Variants in APBB2 observed in about 807,000 individuals in gnomAD.
The protein encoded by APBB2 is amyloid beta precursor protein binding family B member 2, also known as Fe65-like 1.
A neutral mutation model predicts 82.5 loss-of-function variants in APBB2; 38 were observed. That is an observed-to-expected ratio of 0.46 (90% CI 0.36 to 0.60). The LOEUF is 0.60. Ranked by LOEUF, APBB2 falls within the 20% of genes least tolerant of loss-of-function variation. The probability of loss-of-function intolerance (pLI) is 0.00; values close to 1 mark genes in which losing one functional copy is unlikely to be tolerated. For synonymous variants in APBB2, 341 were observed against 368.2 expected, an observed-to-expected ratio of 0.93 and a Z score of 0.85; for missense variants, 772 against 972.3, an observed-to-expected ratio of 0.79 and a Z score of 2.74.
chr4:41,155,628 G>A (rs1580463140), intron 1 of APBB2, among the ~76,000 whole-genome samples: 3 of 152,222 alleles, frequency 2.0e-5, no homozygotes, highest in African/African-American at 4.8e-5. Context: ...TCAGACAGAC[G>A]AGACAGTCAG....
At chr4:40,836,629 G>A (rs952848742) in intron 12 of APBB2, among the ~76,000 whole-genome samples, 1 of 152,318 alleles carries the variant, frequency 6.6e-6, no homozygotes, top group Non-Finnish European at 1.5e-5. Context: ...GAGAAGCCCA[G>A]GAGAGGCTGG....
chr4:41,008,752 T>C lies in APBB2; in HGVS notation c.835+4831A>G, dbSNP rs529472567. On this transcript the variant is annotated intron_variant, in intron 6 of 17. Transcript: ENST00000508593. ...CAGCAGGTCTATGCCAAAACACTCT[T>C]ATCCCCATTTTATAGATGAGAGGCT... 4.6e-5 allele frequency among the ~76,000 whole-genome samples: 7 copies of C among 152,332 alleles called. No homozygotes were observed. The East Asian group carries it at 1.3e-3, about 29-fold the overall frequency.
intron 10 of APBB2, among the ~76,000 whole-genome samples, chr4:40,895,937 C>T (rs553945067): frequency 5.3e-5 from 8 of 152,244 alleles, no homozygotes; most frequent in Non-Finnish European, 1.2e-4. Flanking sequence ...CAAACCTGGG[C>T]AGTTTGGCTT....
intron 12 of APBB2, among the ~76,000 whole-genome samples, chr4:40,856,659 T>C (rs954087126): frequency 2.6e-5 from 4 of 152,306 alleles, no homozygotes; most frequent in African/African-American, 9.6e-5. Flanking sequence ...AGGCAGTCAC[T>C]GCCTCAATCA....
chr4:41,045,114 A>G (rs545660385), intron 4 of APBB2, among the ~76,000 whole-genome samples: 31 of 151,834 alleles, frequency 2.0e-4, no homozygotes, highest in African/African-American at 7.2e-4. Flanking sequence ...TGCTCCTTCC[A>G]ATTTTGAATT....
At chr4:41,184,867 C>T (rs1021978796) in intron 1 of APBB2, among the ~76,000 whole-genome samples, 1 of 152,184 alleles carries the variant, frequency 6.6e-6, no homozygotes. Context: ...GCAGAGACTC[C>T]GCCAAACCTG....
intron 6 of APBB2, among the ~76,000 whole-genome samples, chr4:40,966,044 T>C (rs1794583275): frequency 6.6e-6 from 1 of 152,204 alleles, no homozygotes; most frequent in Admixed American, 6.5e-5. Flanking sequence ...ATATAACTCA[T>C]ACTGAAACTA....
In APBB2 at chr4:41,007,186, G is replaced by C. The variant is rs373156812; in HGVS notation, c.835+6397C>G. On this transcript the variant is annotated intron_variant, in intron 6 of 17. Transcript: ENST00000508593. ...AACTGCGATTAGATAAGGTCATCTG[G>C]GCAGGGCTCCCACAGTAAGACTGGT... Among the ~76,000 whole-genome samples the C allele has an allele frequency of 1.2e-3, 179 of 152,068 alleles. 3 individuals carry two copies. The Middle Eastern group carries it at 0.014, about 12-fold the overall frequency.
intron 10 of APBB2, among the ~76,000 whole-genome samples, chr4:40,906,007 T>TTAAA (rs2154359652): frequency 6.6e-6 from 1 of 152,262 alleles, no homozygotes; most frequent in Non-Finnish European, 1.5e-5. Context: ...GGGGCCTGGA[T>TTAAA]TTGGCTTCTA....
chr4:41,203,537 T>C (rs562192878), intron 1 of APBB2, among the ~76,000 whole-genome samples: 26 of 152,318 alleles, frequency 1.7e-4, no homozygotes, highest in African/African-American at 6.0e-4. Context: ...CCCTGAATTC[T>C]GGAACATGGA....
At chr4:41,175,424 A>T (rs1017996263) in intron 1 of APBB2, among the ~76,000 whole-genome samples, 4 of 152,172 alleles carry the variant, frequency 2.6e-5, no homozygotes, top group African/African-American at 4.8e-5. Flanking sequence ...AAATAAATTT[A>T]AAAAATAAGG....
intron 2 of APBB2, among the ~76,000 whole-genome samples, chr4:41,110,315 T>G (rs950141308): frequency 6.6e-6 from 1 of 152,062 alleles, no homozygotes; most frequent in Non-Finnish European, 1.5e-5. Context: ...GTTAAAAAAT[T>G]TGACCTCAGC....
chr4:40,823,872 G>A (rs1748872583), intron 15 of APBB2, 113 bp from the exon 16 acceptor site: 1 of 669,856 alleles, frequency 1.5e-6, no homozygotes. Flanking sequence ...TTAATAGACA[G>A]GACACTTCAT....
At chr4:41,097,304 C>T (rs1743833211) in intron 3 of APBB2, among the ~76,000 whole-genome samples, 1 of 152,150 alleles carries the variant, frequency 6.6e-6, no homozygotes, top group Admixed American at 6.5e-5. Context: ...ATATTCAGAC[C>T]CATGAGCCTC....
intron 5 of APBB2, among the ~76,000 whole-genome samples, chr4:41,022,528 C>T (rs1400317903): frequency 3.9e-5 from 6 of 152,196 alleles, no homozygotes; most frequent in East Asian, 3.8e-4. Context: ...AAGATGTCAC[C>T]GCTTTATGAA....
chr4:41,020,967 C>G (rs965013163), intron 5 of APBB2, among the ~76,000 whole-genome samples: 2 of 152,222 alleles, frequency 1.3e-5, no homozygotes, highest in African/African-American at 4.8e-5. Context: ...TGAAATCAGA[C>G]AACGCCTTTC....
At chr4:41,161,775 T>A (rs994241889) in intron 1 of APBB2, among the ~76,000 whole-genome samples, 1 of 152,186 alleles carries the variant, frequency 6.6e-6, no homozygotes, top group African/African-American at 2.4e-5. Flanking sequence ...AGCTAGAATG[T>A]TGAGCCTCCC....
At chr4:40,986,236 A>G (rs1341911571) in intron 6 of APBB2, among the ~76,000 whole-genome samples, 4 of 152,200 alleles carry the variant, frequency 2.6e-5, no homozygotes, top group Admixed American at 6.5e-5. Flanking sequence ...GCAAGATATA[A>G]CCAATGAAAT....
In APBB2 at chr4:40,812,394, T is replaced by C. The variant is rs1744586762; in HGVS notation, c.*3698A>G. The C allele has an allele frequency of 6.6e-6, 1 of 152,220 alleles. No individual in the cohort carries two copies. Among genetic ancestry groups the C allele is most frequent in the African/African-American group, 2.4e-5 (1 of 41,454 alleles). The allele number at this position is 152,220 out of a possible 1,614,324, so 9.4% of individuals were successfully genotyped here. On this transcript the variant is annotated 3_prime_UTR_variant, in exon 18 of 18. Coordinates refer to ENST00000508593, the MANE Select transcript of APBB2 (RefSeq NM_004307.2). ...AAGGGCATAAAGGAAAACAAAGCGT[T>C]CTTTCAGGGGAAGTAAGCTGCTCTG...
Sources: gnomAD v4.1 joint callset for allele counts (sites outside exome capture counted in the v4.1 genomes callset) on GRCh38, gnomAD v4.1.1 for gene constraint, MANE v1.5 for transcripts, NCBI Gene and HGNC (gene_info 2026-07-23, HGNC 2026-07-21) for gene names.